PLEKHG1: variants seen among roughly 807,000 people sequenced by gnomAD.
PLEKHG1 encodes the protein pleckstrin homology domain-containing family G member 1.
Under a neutral mutation model 100.8 loss-of-function variants are expected in PLEKHG1, and 44 were observed. That is an observed-to-expected ratio of 0.44 (90% confidence interval 0.34 to 0.56). The LOEUF is 0.56. Ranked by LOEUF, PLEKHG1 falls within the 20% of genes least tolerant of loss-of-function variation. PLEKHG1 has a pLI of 0.01. For missense variants in PLEKHG1, 1,545 were observed against 1,720.9 expected, an observed-to-expected ratio of 0.90 and a Z score of 1.81; for synonymous variants, 640 against 662.5, an observed-to-expected ratio of 0.97 and a Z score of 0.52.
intron 10 of PLEKHG1, among the ~76,000 whole-genome samples, chr6:150,810,604 A>T (rs1033997066): frequency 3.3e-5 from 5 of 151,894 alleles, no homozygotes; most frequent in African/African-American, 1.2e-4. Context: ...CATCTCAGCT[A>T]AACCAGCCAT....
At chr6:150,682,721 C>A (rs565942982) in intron 3 of PLEKHG1, among the ~76,000 whole-genome samples, 1 of 152,294 alleles carries the variant, frequency 6.6e-6, no homozygotes, top group East Asian at 1.9e-4. Flanking sequence ...AGGAGGGAGG[C>A]AAAGCAGGTG....
intron 2 of PLEKHG1, among the ~76,000 whole-genome samples, chr6:150,641,661 G>A (rs1399649946): frequency 6.6e-6 from 1 of 152,080 alleles, no homozygotes; most frequent in Non-Finnish European, 1.5e-5. Context: ...GGAACGTGTG[G>A]ATGAATAAAT....
chr6:150,687,985 C>T (rs570322655), intron 3 of PLEKHG1, among the ~76,000 whole-genome samples: 1 of 152,110 alleles, frequency 6.6e-6, no homozygotes, highest in Non-Finnish European at 1.5e-5. Context: ...AAGAGTCCAG[C>T]CAAGAAACTC....
At chr6:150,733,393 C>T (rs115222312) in intron 1 of PLEKHG1, among the ~76,000 whole-genome samples, 191 bp from the exon 3 acceptor site, 2,466 of 152,288 alleles carry the variant, frequency 0.016, 82 homozygotes, top group African/African-American at 0.056. Flanking sequence ...ACATTTCTAA[C>T]AGGCACCCAG....
intron 3 of PLEKHG1, among the ~76,000 whole-genome samples, chr6:150,715,968 C>T (rs1484800455): frequency 1.8e-4 from 27 of 148,100 alleles, no homozygotes; most frequent in African/African-American, 6.6e-4. Flanking sequence ...ATTAGCCGGG[C>T]GTGGTGGCGG....
At chr6:150,724,477 A>G (rs1340005743) in intron 1 of PLEKHG1, among the ~76,000 whole-genome samples, 3 of 152,240 alleles carry the variant, frequency 2.0e-5, no homozygotes. Context: ...CACACACAAA[A>G]AAAGCATACA....
rs17080381 is a variant in PLEKHG1 at position 150,831,471 on chromosome 6, A to G, written c.2360A>G (p.Gln787Arg). 1.1e-3 allele frequency: 1,728 copies of G among 1,614,080 alleles called. 10 individuals are homozygous for G. The African/African-American group carries it at 0.013, about 12-fold the overall frequency. ...GACAGCCTGAGGCCATTTGTTTCCC[A>G]AGACAGCCTCCAGCTCAGTGAGGAC... The change falls in exon 15 of 16, where the codon CAA (glutamine) becomes CGA (arginine). Residue 787 changes from glutamine to arginine, a missense_variant. Physicochemically the swap from Gln to Arg is conservative, Grantham distance 43. Coordinates refer to ENST00000358517, the Ensembl canonical transcript of PLEKHG1. The surrounding 1 kb of genome is among the most constrained non-coding windows in gnomAD (Gnocchi z 4.1).
intron 2 of PLEKHG1, among the ~76,000 whole-genome samples, chr6:150,747,020 C>G (rs1297972153): frequency 6.6e-6 from 1 of 152,206 alleles, no homozygotes; most frequent in East Asian, 1.9e-4. Flanking sequence ...TCAGTTAACT[C>G]AGGTGATTGA....
At chr6:150,612,058 C>CAA (rs745525578) in intron 1 of PLEKHG1, among the ~76,000 whole-genome samples, 4 of 101,844 alleles carry the variant, frequency 3.9e-5, no homozygotes, top group African/African-American at 1.0e-4. Context: ...CCCCCCCCCC[C>CAA]CCTTTTCTAG....
At chr6:150,634,290 A>G (rs1777899389) in intron 1 of PLEKHG1, among the ~76,000 whole-genome samples, 1 of 151,910 alleles carries the variant, frequency 6.6e-6, no homozygotes, top group South Asian at 2.1e-4. Flanking sequence ...GAAAAAAAAA[A>G]GAACTGTGAT....
chr6:150,811,649 A>AAG (rs1440227249), intron 10 of PLEKHG1, among the ~76,000 whole-genome samples: 1 of 137,240 alleles, frequency 7.3e-6, no homozygotes, highest in Non-Finnish European at 1.6e-5. Flanking sequence ...AAAAAAAAAA[A>AAG]AGAGAGAATG....
chr6:150,609,940 C>G (rs1162706585), intron 1 of PLEKHG1, among the ~76,000 whole-genome samples: 1 of 152,190 alleles, frequency 6.6e-6, no homozygotes, highest in African/African-American at 2.4e-5. Flanking sequence ...AGCATCCTCT[C>G]TCCTTTAGTT....
At chr6:150,674,004 G>C (rs1366363537) in intron 3 of PLEKHG1, among the ~76,000 whole-genome samples, 1 of 152,046 alleles carries the variant, frequency 6.6e-6, no homozygotes, top group Non-Finnish European at 1.5e-5. Flanking sequence ...GTAGAAGAGA[G>C]CCTGACCTCC....
Position 150,826,314 on chromosome 6 carries a change from C to G in PLEKHG1, c.1470+2638C>G, listed in dbSNP as rs575327733. On this transcript the variant is annotated intron_variant, in intron 14 of 15. Coordinates refer to ENST00000358517, the Ensembl canonical transcript of PLEKHG1. ...CTCTACTAAAATACAAAAAATTAGC[C>G]GGGCATAGCGGCATGCACCTGTAGT... is the stretch of plus-strand genomic sequence containing the variant. 4.6e-5 allele frequency among the ~76,000 whole-genome samples: 7 copies of G among 151,970 alleles called. 1 individual carries two copies. The highest frequency in any genetic ancestry group is 1.7e-4 in the African/African-American group (7 of 41,440).
intron 3 of PLEKHG1, among the ~76,000 whole-genome samples, chr6:150,689,379 G>A (rs1214009973): frequency 6.6e-6 from 1 of 152,118 alleles, no homozygotes; most frequent in Non-Finnish European, 1.5e-5. Flanking sequence ...ACTTAAGTGT[G>A]AAGAGACTCT....
At chr6:150,790,725 A>G (rs939746525) in intron 4 of PLEKHG1, among the ~76,000 whole-genome samples, 2 of 152,226 alleles carry the variant, frequency 1.3e-5, no homozygotes, top group Admixed American at 6.5e-5. Flanking sequence ...AAGCAGTAAC[A>G]GTAAAGAATA....
intron 1 of PLEKHG1, among the ~76,000 whole-genome samples, chr6:150,727,545 A>T (rs1782021797): frequency 6.6e-6 from 1 of 152,170 alleles, no homozygotes; most frequent in Non-Finnish European, 1.5e-5. Context: ...AGTAAAAAGT[A>T]TGAAAGTCTA....
intron 1 of PLEKHG1, among the ~76,000 whole-genome samples, chr6:150,723,646 G>T (rs1172901648): frequency 6.6e-6 from 1 of 152,148 alleles, no homozygotes; most frequent in Non-Finnish European, 1.5e-5. Flanking sequence ...ATTGAGGTTG[G>T]TTTTGGGGGC....
chr6:150,676,366 T>C (rs1308847011), intron 3 of PLEKHG1, among the ~76,000 whole-genome samples: 1 of 152,220 alleles, frequency 6.6e-6, no homozygotes, highest in Admixed American at 6.5e-5. Flanking sequence ...CAAATACATT[T>C]TAAAATGGAA....
Sources: allele counts gnomAD v4.1 joint callset (sites outside exome capture counted in the v4.1 genomes callset), GRCh38; gene constraint gnomAD v4.1.1; non-coding constraint Gnocchi (gnomAD v3.1); transcripts MANE v1.5; gene names NCBI Gene and HGNC (gene_info 2026-07-23, HGNC 2026-07-21).